Variants in ZBTB7A observed in about 807,000 individuals in gnomAD.
ZBTB7A encodes the protein zinc finger and BTB domain-containing protein 7A.
A neutral mutation model predicts 26.7 loss-of-function variants in ZBTB7A; 7 were observed. The observed-to-expected ratio is 0.26, with a 90% CI of 0.15 to 0.49. ZBTB7A has a LOEUF of 0.49. ZBTB7A is among the 20% of genes least tolerant of loss of function. The pLI is 0.98. For synonymous variants in ZBTB7A, 452 were observed against 441.0 expected (o/e 1.02, Z -0.31); for missense variants, 617 against 919.5 (o/e 0.67, Z 4.25).
At chr19:4,049,168 G>GTGTGTGTATGTA (rs1403864466) in intron 2 of ZBTB7A, among the ~76,000 whole-genome samples, 1 of 14,954 alleles carries the variant, frequency 6.7e-5, no homozygotes, top group African/African-American at 2.8e-4. Flanking sequence ...GTGTGTGTGT[G>GTGTGTGTATGTA]TATATATATA....
Position 4,043,844 on chromosome 19 carries a change from ACCCC to A in ZBTB7A, c.*3904_*3907del, listed in dbSNP as rs1260802263. ...ACCCGTCCTGCGCCAGCCACCCACCACCCCCCCCCCCCCACCTCCAGGAAGGCTG... is the reference window on the plus strand; with the variant it reads ...ACCCGTCCTGCGCCAGCCACCCACCACCCCCCCCCACCTCCAGGAAGGCTG... On this transcript the variant is annotated 3_prime_UTR_variant, in exon 3 of 3. Coordinates refer to ENST00000322357, the MANE Select transcript of ZBTB7A (RefSeq NM_015898.4). Among the ~76,000 whole-genome samples, 1 of 47,672 alleles carries A rather than the reference ACCCC, an allele frequency of 2.1e-5. No homozygotes were observed. The highest frequency in any genetic ancestry group is 8.4e-5 in the African/African-American group (1 of 11,846). The allele number at this position is 47,672 out of a possible 152,430, so 31.3% of individuals were successfully genotyped here. A position where few individuals can be genotyped will look rare whatever the true frequency, so the allele number is the denominator to read the frequency against.
chr19:4,066,206 C>A (rs1409620788), intron 1 of ZBTB7A, among the ~76,000 whole-genome samples: 4 of 134,430 alleles, frequency 3.0e-5, no homozygotes, highest in African/African-American at 1.1e-4. Context: ...CCCTCCCCCC[C>A]ATCCCCCATG....
At chr19:4,049,277 T>G (rs1261681809) in intron 2 of ZBTB7A, among the ~76,000 whole-genome samples, 1 of 142,322 alleles carries the variant, frequency 7.0e-6, no homozygotes, top group Admixed American at 7.2e-5. Flanking sequence ...GCTCAAGTGA[T>G]CCTCTTGCCT....
chr19:4,051,027 G>T (rs1209466356), intron 2 of ZBTB7A, among the ~76,000 whole-genome samples: 1 of 147,156 alleles, frequency 6.8e-6, no homozygotes, highest in Admixed American at 7.0e-5. Flanking sequence ...GAACCTGGGA[G>T]GTGGAGGTTG....
chr19:4,065,484 G>A (rs1309654828), intron 1 of ZBTB7A: 7 of 146,668 alleles, frequency 4.8e-5, no homozygotes, highest in Admixed American at 3.4e-4. Flanking sequence ...CGGTGGCGGC[G>A]GCTGCGGCTG....
At chr19:4,050,171 C>T (rs977782922) in intron 2 of ZBTB7A, among the ~76,000 whole-genome samples, 6 of 151,424 alleles carry the variant, frequency 4.0e-5, no homozygotes, top group East Asian at 3.9e-4. Flanking sequence ...GTGATCCACC[C>T]GCCTCGGCCT....
chr19:4,062,647 C>T (rs1254286090), intron 1 of ZBTB7A: 1 of 152,196 alleles, frequency 6.6e-6, no homozygotes, highest in Non-Finnish European at 1.5e-5. Flanking sequence ...AGATGAAATC[C>T]CCCTACCCTG....
intron 1 of ZBTB7A, among the ~76,000 whole-genome samples, chr19:4,061,005 G>C (rs2040632421): frequency 6.6e-6 from 1 of 152,140 alleles, no homozygotes; most frequent in South Asian, 2.1e-4. Flanking sequence ...GGCAAGATGC[G>C]AGACCTCTCT....
In ZBTB7A at chr19:4,048,147, T is replaced by C. The variant is rs2040447886; in HGVS notation, c.1360A>G (p.Lys454Glu). The C allele has an allele frequency of 6.2e-7, 1 of 1,610,228 alleles. No individual in the cohort carries two copies. The highest frequency in any genetic ancestry group is 1.3e-5 in the African/African-American group (1 of 74,822). ...GAAFAHNYDL[K>E]NHMRVHTGLR... is the part of the protein sequence containing the mutation. ...CCCGTGTGCACGCGCATGTGGTTCT[T>C]CAGGTCGTAGTTGTGGGCAAAGGCG... Residue 454 changes from lysine (K) to glutamate (E), a missense_variant, in exon 3 of 3, where the codon AAG (lysine) becomes GAG (glutamate). Lys to Glu is a moderately conservative substitution (Grantham distance 56). This residue lies in a region of ZBTB7A where 41 missense variants were observed against 167.6 expected (regional missense o/e 0.24). Coordinates refer to ENST00000322357, the MANE Select transcript of ZBTB7A (RefSeq NM_015898.4). This position sits in a 1 kb window ranked among gnomAD's most constrained non-coding sequence, Gnocchi z 6.7.
In ZBTB7A at chr19:4,054,972, C is replaced by T. The variant is rs752385121; in HGVS notation, c.261G>A (p.Ala87=). ...IDFVSAEALT[A]LMDFAYTATL... ...TGGCCGTGTAGGCGAAGTCCATGAG[C>T]GCGGTGAGCGCCTCGGCGCTGACGA... Residue 87 remains alanine, a synonymous_variant, in exon 2 of 3, where the codon GCG becomes GCA. Transcript: ENST00000322357. The T allele has an allele frequency of 8.7e-6, 14 of 1,611,916 alleles. No homozygotes were observed. The highest frequency in any genetic ancestry group is 4.4e-5 in the South Asian group (4 of 91,056).
intron 1 of ZBTB7A, among the ~76,000 whole-genome samples, chr19:4,064,318 G>A (rs1362412023): frequency 6.6e-6 from 1 of 152,204 alleles, no homozygotes; most frequent in Non-Finnish European, 1.5e-5. Context: ...TCCAGCGGCC[G>A]GCTCCTGCCC....
chr19:4,065,768 G>A (rs2040689666), intron 1 of ZBTB7A: 1 of 141,474 alleles, frequency 7.1e-6, no homozygotes, highest in Middle Eastern at 3.6e-3. Context: ...GGGCCGAGGG[G>A]AGGGGGGCTG....
In ZBTB7A at chr19:4,045,010, G is replaced by A. The variant is rs1156777277; in HGVS notation, c.*2742C>T. On this transcript the variant is annotated 3_prime_UTR_variant, in exon 3 of 3. Coordinates refer to ENST00000322357, the MANE Select transcript of ZBTB7A (RefSeq NM_015898.4). The surrounding 1 kb of genome is among the most constrained non-coding windows in gnomAD (Gnocchi z 4.1). ...GGTCCCGGCTCTGGGCCCATGCAGA[G>A]GCTGTGGCCCCCAGGACGGGCGGGT... The A allele has an allele frequency of 6.6e-6, 1 of 152,270 alleles. No homozygotes were observed. Among genetic ancestry groups the A allele is most frequent in the Non-Finnish European group, 1.5e-5 (1 of 68,122 alleles). 9.4% of individuals were successfully genotyped at this position (152,270 alleles called of 1,614,324 possible).
intron 1 of ZBTB7A, among the ~76,000 whole-genome samples, chr19:4,056,816 G>A (rs914190763): frequency 1.3e-5 from 2 of 150,706 alleles, no homozygotes; most frequent in African/African-American, 2.4e-5. Flanking sequence ...GCAGTGAGCC[G>A]AGATTGCACC....
chr19:4,048,904 G>C lies in ZBTB7A; in HGVS notation c.1263-660C>G, dbSNP rs887250903. ...GCAGGCCTATAATCCCAGCTACTTG[G>C]GAGGTGGAGGTTGCAGTGAGCCCAG... On this transcript the variant is annotated intron_variant, in intron 2 of 2. Transcript: ENST00000322357. This position sits in a 1 kb window ranked among gnomAD's most constrained non-coding sequence, Gnocchi z 6.7. 8.6e-5 allele frequency among the ~76,000 whole-genome samples: 13 copies of C among 151,036 alleles called. No individual in the cohort carries two copies. Among genetic ancestry groups the C allele is most frequent in the Middle Eastern group, 3.4e-3 (1 of 294 alleles).
Position 4,053,971 on chromosome 19 carries a change from C to A in ZBTB7A, c.1262G>T (p.Arg421Met). 1 of 1,595,822 alleles carries A rather than the reference C, an allele frequency of 6.3e-7. No individual in the cohort carries two copies. The change falls in exon 2 of 3, where the codon AGG (arginine) becomes ATG (methionine). Residue 421 changes from arginine to methionine, a missense_variant and splice_region_variant. Around this residue, in one of 5 missense-constraint regions of ZBTB7A, gnomAD observed 41 missense variants for 167.6 expected, o/e 0.24. Coordinates refer to ENST00000322357, the MANE Select transcript of ZBTB7A (RefSeq NM_015898.4). Reference protein sequence around the residue: ...ECNICKVRFTRQDKLKVHMRK... With the variant: ...ECNICKVRFTMQDKLKVHMRK... ...GCCTCCCCCGCGGCGGGCAGCTCACCTGGTGAAGCGGACCTTGCAGATGTT... is the reference window on the plus strand; with the variant it reads ...GCCTCCCCCGCGGCGGGCAGCTCACATGGTGAAGCGGACCTTGCAGATGTT...
chr19:4,065,651 G>A (rs1376494781), intron 1 of ZBTB7A: 1 of 143,056 alleles, frequency 7.0e-6, no homozygotes, highest in Non-Finnish European at 1.6e-5. Flanking sequence ...CCCGGGCCCG[G>A]CCTGCGCTAG....
rs1254932187 is a variant in ZBTB7A at position 4,046,328 on chromosome 19, TAC to T, written c.*1422_*1423del. On this transcript the variant is annotated 3_prime_UTR_variant, in exon 3 of 3. Coordinates refer to ENST00000322357, the MANE Select transcript of ZBTB7A (RefSeq NM_015898.4). ...CTTTTTGGGGAACAGAAGTGGATTC[TAC>T]GTTTGTGGTGGGTTTTTTTTTTTAT... 2.8e-6 allele frequency: 1 copy of T among 354,004 alleles called. No homozygotes were observed. The highest frequency in any genetic ancestry group is 2.1e-5 in the African/African-American group (1 of 47,232). 21.9% of individuals were successfully genotyped at this position (354,004 alleles called of 1,614,324 possible).
At position 4,047,662 on chromosome 19, in the gene ZBTB7A, T is replaced by G; in HGVS notation, c.*90A>C. On this transcript the variant is annotated 3_prime_UTR_variant, in exon 3 of 3. Transcript: ENST00000322357. ...ATATCTGTATATAGATAGATTTTCT[T>G]TTTTTGTGTTTTTGGGGGGGTGGTG... is the stretch of plus-strand genomic sequence containing the variant. The G allele has an allele frequency of 3.5e-6, 5 of 1,418,014 alleles. No homozygotes were observed. Among genetic ancestry groups the G allele is most frequent in the Non-Finnish European group, 3.8e-6 (4 of 1,058,122 alleles). 87.8% of individuals were successfully genotyped at this position (1,418,014 alleles called of 1,614,324 possible). A position where few individuals can be genotyped will look rare whatever the true frequency, so the allele number is the denominator to read the frequency against.
Sources: gnomAD v4.1 joint callset for allele counts (sites outside exome capture counted in the v4.1 genomes callset) on GRCh38, gnomAD v4.1.1 for gene constraint, gnomAD v4.1.1 regional missense constraint, Gnocchi (gnomAD v3.1) non-coding constraint, MANE v1.5 for transcripts, NCBI Gene and HGNC (gene_info 2026-07-23, HGNC 2026-07-21) for gene names.